The following GPHN variants were observed in gnomAD, a reference collection of about 807,000 sequenced individuals.
GPHN encodes the protein gephyrin.
Under a neutral mutation model 95.5 loss-of-function variants are expected in GPHN, and 17 were observed. That is an observed-to-expected ratio of 0.18 (90% confidence interval 0.12 to 0.27). The LOEUF (loss-of-function observed/expected upper bound fraction) is 0.27. GPHN is among the 10% of genes least tolerant of loss of function. GPHN has a pLI of 1.00. For synonymous variants in GPHN, 320 were observed against 322.5 expected (o/e 0.99, Z 0.08); for missense variants, 660 against 978.1 (o/e 0.67, Z 4.34).
the GPHN span, chr14:67,321,005 T>G: frequency 6.8e-7 from 1 of 1,468,874 alleles, no homozygotes; most frequent in Non-Finnish European, 9.5e-7. Flanking sequence ...AATTATCCCC[T>G]GTCCTCACTC....
intron 4 of GPHN, among the ~76,000 whole-genome samples, chr14:66,843,080 T>A (rs952346560): frequency 5.3e-5 from 8 of 152,118 alleles, no homozygotes; most frequent in Non-Finnish European, 1.0e-4. Flanking sequence ...CAACTGCTTC[T>A]GATGATCTGT....
the GPHN span, among the ~76,000 whole-genome samples, chr14:67,443,200 A>G: frequency 6.6e-6 from 1 of 152,272 alleles, no homozygotes; most frequent in Non-Finnish European, 1.5e-5. Context: ...CAGCCTGGGC[A>G]ACAGAGCCAG....
the GPHN span, chr14:67,600,321 C>T: frequency 1.1e-5 from 9 of 853,940 alleles, no homozygotes; most frequent in Non-Finnish European, 1.5e-5. Context: ...CGCCCTAAGC[C>T]TGCGCAGCCT....
At chr14:66,711,920 T>G (rs985483137) in intron 2 of GPHN, among the ~76,000 whole-genome samples, 5 of 152,114 alleles carry the variant, frequency 3.3e-5, no homozygotes, top group African/African-American at 1.2e-4. Flanking sequence ...GGACATGAAC[T>G]CATCCTTTTT....
chr14:66,835,914 T>C (rs1183015583), intron 4 of GPHN, among the ~76,000 whole-genome samples: 1 of 148,888 alleles, frequency 6.7e-6, no homozygotes, highest in Admixed American at 6.7e-5. Context: ...CAAGGAGAAC[T>C]ACAAACCACT....
chr14:67,172,259 C>T (rs895536732), intron 21 of GPHN, among the ~76,000 whole-genome samples: 10 of 152,088 alleles, frequency 6.6e-5, no homozygotes, highest in East Asian at 1.9e-4. Context: ...CGCCGCCCGC[C>T]GCATCCCCCT....
the GPHN span, chr14:67,613,668 T>G: frequency 4.6e-6 from 1 of 219,462 alleles, no homozygotes; most frequent in East Asian, 1.1e-4. Context: ...CAATGCCAAG[T>G]GTGCACATGT....
intron 2 of GPHN, among the ~76,000 whole-genome samples, chr14:66,694,347 A>G (rs1566829268): frequency 6.6e-6 from 1 of 152,198 alleles, no homozygotes; most frequent in Non-Finnish European, 1.5e-5. Context: ...ACAGTGAGAA[A>G]TAAACTTCTT....
chr14:66,519,895 A>G (rs7156737), intron 1 of GPHN, among the ~76,000 whole-genome samples: 5 of 151,916 alleles, frequency 3.3e-5, no homozygotes, highest in Non-Finnish European at 5.9e-5. Context: ...AAGAAATTGT[A>G]GCAGAGAGAG....
chr14:67,372,584 A>G, the GPHN span, among the ~76,000 whole-genome samples: 3 of 152,232 alleles, frequency 2.0e-5, no homozygotes, highest in Admixed American at 2.0e-4. Flanking sequence ...TTATCCCAGC[A>G]CTTTGGGAGG....
the GPHN span, among the ~76,000 whole-genome samples, chr14:67,248,092 CT>C: frequency 6.6e-6 from 1 of 152,054 alleles, no homozygotes; most frequent in African/African-American, 2.4e-5. Context: ...GAACTTTTTT[CT>C]TTAATCTGTT....
intron 2 of GPHN, among the ~76,000 whole-genome samples, chr14:66,770,946 T>G (rs956186254): frequency 1.3e-5 from 2 of 152,158 alleles, no homozygotes; most frequent in African/African-American, 4.8e-5. Flanking sequence ...GCATCCAGTA[T>G]AGATCTTGGA....
the GPHN span, chr14:67,717,971 G>A: frequency 2.0e-5 from 3 of 152,220 alleles, no homozygotes; most frequent in African/African-American, 4.8e-5. Flanking sequence ...AAAAATCAAC[G>A]GAAGTTACAT....
At chr14:67,088,889 G>A in intron 11 of GPHN, 94 bp from the exon 12 acceptor site, 1 of 754,228 alleles carries the variant, frequency 1.3e-6, no homozygotes, top group East Asian at 2.5e-5. Flanking sequence ...TTTACAAGCT[G>A]TGTCAGACAA....
chr14:66,646,283 G>A (rs2064739123), intron 1 of GPHN, among the ~76,000 whole-genome samples: 2 of 152,070 alleles, frequency 1.3e-5, no homozygotes, highest in African/African-American at 4.8e-5. Flanking sequence ...AATGGCTGCT[G>A]TAAAAAAAGA....
At chr14:67,349,789 T>G in the GPHN span, among the ~76,000 whole-genome samples, 8 of 152,162 alleles carry the variant, frequency 5.3e-5, no homozygotes, top group African/African-American at 1.9e-4. Flanking sequence ...TATTGATTGA[T>G]CTCCACCCTC....
intron 2 of GPHN, among the ~76,000 whole-genome samples, chr14:66,736,784 G>A (rs900833870): frequency 4.6e-5 from 7 of 152,072 alleles, no homozygotes; most frequent in African/African-American, 1.4e-4. Context: ...TTTTCTATTT[G>A]CACTTCATTT....
At chr14:66,915,108 G>A (rs2065842535) in intron 5 of GPHN, among the ~76,000 whole-genome samples, 1 of 151,976 alleles carries the variant, frequency 6.6e-6, no homozygotes, top group Admixed American at 6.6e-5. Context: ...ATTGTAAGTA[G>A]GACAAGAAGA....
chr14:67,339,521 T>C, the GPHN span, among the ~76,000 whole-genome samples: 9 of 152,126 alleles, frequency 5.9e-5, no homozygotes, highest in Non-Finnish European at 1.3e-4. Flanking sequence ...CTACCTCCCA[T>C]TTCTCTGAAC....
Sources: allele counts gnomAD v4.1 joint callset (sites outside exome capture counted in the v4.1 genomes callset), GRCh38; gene constraint gnomAD v4.1.1; transcripts MANE v1.5; gene names NCBI Gene and HGNC (gene_info 2026-07-23, HGNC 2026-07-21).